Variants in CFAP57 observed in about 807,000 individuals in gnomAD.
The protein encoded by CFAP57 is cilia- and flagella-associated protein 57.
CFAP57 carries 116 observed loss-of-function variants against 146.8 expected under a neutral mutation model. The observed-to-expected ratio is 0.79, with a 90% CI of 0.68 to 0.92. The LOEUF (loss-of-function observed/expected upper bound fraction) is 0.92. Among genes scored for constraint, CFAP57 ranks in the 40% least tolerant of loss-of-function variants. The pLI is 0.00. For synonymous variants in CFAP57, 518 were observed against 552.8 expected (o/e 0.94, Z 0.88); for missense variants, 1,377 against 1,527.2 (o/e 0.90, Z 1.64).
chr1:43,208,899 C>CA (rs1644475698), intron 10 of CFAP57, among the ~76,000 whole-genome samples: 1 of 152,126 alleles, frequency 6.6e-6, no homozygotes, highest in African/African-American at 2.4e-5. Context: ...ACAGTAGTCC[C>CA]ACCTTACCCA....
At chr1:43,182,831 C>T (rs1177777906) in intron 3 of CFAP57, among the ~76,000 whole-genome samples, 3 of 152,234 alleles carry the variant, frequency 2.0e-5, no homozygotes, top group South Asian at 4.1e-4. Flanking sequence ...TCAAGTTGCT[C>T]ACTATATAGT....
rs1255284054 is a variant in CFAP57 at position 43,226,967 on chromosome 1, C to T, written c.2866-16C>T. The T allele has an allele frequency of 6.7e-7, 1 of 1,489,312 alleles. No individual in the cohort carries two copies. The highest frequency in any genetic ancestry group is 1.4e-5 in the African/African-American group (1 of 70,698). The allele number at this position is 1,489,312 out of a possible 1,614,324, so 92.3% of individuals were successfully genotyped here. A position where few individuals can be genotyped will look rare whatever the true frequency, so the allele number is the denominator to read the frequency against. ...GCCTTACAATATCTCTCACTTCTCT[C>T]TCATCTCACCCCCAGGAGAAGCGAA... On this transcript the variant is annotated splice_polypyrimidine_tract_variant and intron_variant, in intron 17 of 22. Transcript: ENST00000372492.
At chr1:43,207,501 G>C (rs924836397) in intron 10 of CFAP57, among the ~76,000 whole-genome samples, 1 of 152,174 alleles carries the variant, frequency 6.6e-6, no homozygotes, top group Non-Finnish European at 1.5e-5. Context: ...CATAGCCTAG[G>C]TGTATAGTAG....
intron 6 of CFAP57, among the ~76,000 whole-genome samples, chr1:43,190,862 A>G (rs1409742088): frequency 1.3e-5 from 2 of 152,156 alleles, no homozygotes; most frequent in Non-Finnish European, 2.9e-5. Context: ...TCATTTTCAT[A>G]TTAGTATATT....
Position 43,229,630 on chromosome 1 carries a change from A to T in CFAP57, c.3009+2504A>T, listed in dbSNP as rs144511012. On this transcript the variant is annotated intron_variant, in intron 18 of 22. Transcript: ENST00000372492. ...CTCTTTTTCCAACTTGGCTCTGATGATCCAAGGGTCCCTTTGCCCTGCCTA... is the reference window on the plus strand; with the variant it reads ...CTCTTTTTCCAACTTGGCTCTGATGTTCCAAGGGTCCCTTTGCCCTGCCTA... Among the ~76,000 whole-genome samples, 697 of 148,684 alleles carry T rather than the reference A, an allele frequency of 4.7e-3. 83 individuals are homozygous for T. The highest frequency in any genetic ancestry group is 0.017 in the African/African-American group (662 of 39,804).
chr1:43,179,348 A>G (rs1645297762), intron 2 of CFAP57, among the ~76,000 whole-genome samples: 2 of 152,240 alleles, frequency 1.3e-5, no homozygotes, highest in Non-Finnish European at 1.5e-5. Flanking sequence ...GCGAGGCATC[A>G]GCTGGGTCGA....
rs764281502 is a variant in CFAP57, at chr1:43,185,239, G to C, written c.852G>C (p.Gln284His). The C allele has an allele frequency of 5.6e-6, 9 of 1,614,166 alleles. No homozygotes were observed. The highest frequency in any genetic ancestry group is 1.6e-4 in the Middle Eastern group (1 of 6,062). The change falls in exon 5 of 23, where the codon CAG (glutamine) becomes CAC (histidine). Residue 284 changes from glutamine to histidine, a missense_variant. Gln to His is a conservative substitution (Grantham distance 24, BLOSUM62 0). Coordinates refer to ENST00000372492, the MANE Select transcript of CFAP57 (RefSeq NM_001378189.1). ...GCCATAGCCAGATGTCCATGCCCCA[G>C]GTGTTTGCCATTGCAGCCTATTCAA... is the stretch of plus-strand genomic sequence containing the variant. ...ASSHSQMSMP[Q>H]VFAIAAYSKG...
chr1:43,190,361 A>G (rs4498843), intron 6 of CFAP57, among the ~76,000 whole-genome samples: 2 of 144,598 alleles, frequency 1.4e-5, no homozygotes, highest in Non-Finnish European at 3.0e-5. Flanking sequence ...AGCTCCACCT[A>G]CCGGGTTCAT....
Position 43,229,034 on chromosome 1 carries a change from G to A in CFAP57, c.3009+1908G>A, listed in dbSNP as rs570156253. Among the ~76,000 whole-genome samples the A allele has an allele frequency of 2.4e-4, 35 of 148,562 alleles. 3 individuals are homozygous for A. Among genetic ancestry groups the A allele is most frequent in the African/African-American group, 8.9e-4 (35 of 39,516 alleles). Reference sequence around the variant, plus strand: ...CTAATCCCATCACTTTGGGGGTTAGGTTTCACCATTGGAATTTGGGGTGGA... The same window carrying A: ...CTAATCCCATCACTTTGGGGGTTAGATTTCACCATTGGAATTTGGGGTGGA... On this transcript the variant is annotated intron_variant, in intron 18 of 22. Coordinates refer to ENST00000372492, the MANE Select transcript of CFAP57 (RefSeq NM_001378189.1).
intron 11 of CFAP57, among the ~76,000 whole-genome samples, chr1:43,214,239 A>G (rs553706925): frequency 1.5e-4 from 23 of 151,964 alleles, no homozygotes; most frequent in Non-Finnish European, 2.5e-4. Context: ...TTAATGTTGA[A>G]TTGTTTGAGT....
chr1:43,173,496 A>G (rs1307502256), intron 2 of CFAP57, among the ~76,000 whole-genome samples: 1 of 152,232 alleles, frequency 6.6e-6, no homozygotes, highest in Non-Finnish European at 1.5e-5. Context: ...TTAAAGAATT[A>G]CAATAGAATG....
intron 12 of CFAP57, among the ~76,000 whole-genome samples, 171 bp from the exon 13 acceptor site, chr1:43,219,211 T>C (rs1644952525): frequency 6.6e-6 from 1 of 152,180 alleles, no homozygotes; most frequent in Non-Finnish European, 1.5e-5. Flanking sequence ...CTCATATGTC[T>C]CCTCATTTTT....
chr1:43,222,431 C>G (rs1437444108), intron 15 of CFAP57, 136 bp downstream of exon 15: 2 of 746,224 alleles, frequency 2.7e-6, no homozygotes, highest in South Asian at 9.4e-5. Flanking sequence ...CCCCAAGGAA[C>G]TTATATCAAA....
At chr1:43,222,797 A>G (rs1165093054) in intron 15 of CFAP57, 27 bp from the exon 16 acceptor site, 1 of 1,513,584 alleles carries the variant, frequency 6.6e-7, no homozygotes, top group Middle Eastern at 1.7e-4. Flanking sequence ...TTCTCCCCTG[A>G]CCACACGCCC....
chr1:43,198,057 T>C (rs2124421381), intron 7 of CFAP57, among the ~76,000 whole-genome samples: 1 of 152,188 alleles, frequency 6.6e-6, no homozygotes, highest in Non-Finnish European at 1.5e-5. Context: ...CTTCCTCATC[T>C]TTCTCCCAGG....
At position 43,197,581 on chromosome 1, in the gene CFAP57, T is replaced by C; in HGVS notation, c.1151T>C (p.Met384Thr). 2 of 1,614,098 alleles carry C rather than the reference T, an allele frequency of 1.2e-6. No homozygotes were observed. The highest frequency in any genetic ancestry group is 1.7e-6 in the Non-Finnish European group (2 of 1,180,006). The change falls in exon 7 of 23, where the codon ATG (methionine) becomes ACG (threonine). Residue 384 changes from methionine (M) to threonine (T), a missense_variant. Physicochemically the swap from Met to Thr is moderately conservative, Grantham distance 81. Coordinates refer to ENST00000372492, the MANE Select transcript of CFAP57 (RefSeq NM_001378189.1). ...GAGCCTGCTCACTTTGAGTATTTGA[T>C]GTATCCATTGCACTCAGCACCCATC... ...KGEPAHFEYL[M>T]YPLHSAPITG...
Position 43,236,554 on chromosome 1 carries a change from A to G in CFAP57, c.3405+1916A>G, listed in dbSNP as rs7550285. Among the ~76,000 whole-genome samples, 709 of 138,660 alleles carry G rather than the reference A, an allele frequency of 5.1e-3. 10 individuals are homozygous for G. The highest frequency in any genetic ancestry group is 0.018 in the African/African-American group (680 of 37,726). 91.0% of individuals were successfully genotyped at this position (138,660 alleles called of 152,430 possible). On this transcript the variant is annotated intron_variant, in intron 21 of 22. Transcript: ENST00000372492. ...GCAAGATTGAATGGGACAACCACAT[A>G]AGGCACTAGGCACTGGCCTGGTACA... is the stretch of plus-strand genomic sequence containing the variant.
chr1:43,210,830 A>T (rs1339540278), intron 11 of CFAP57: 1 of 152,196 alleles, frequency 6.6e-6, no homozygotes, highest in African/African-American at 2.4e-5. Context: ...TTTACAGAAT[A>T]TGTATTTTAC....
intron 22 of CFAP57, among the ~76,000 whole-genome samples, chr1:43,249,597 CTTTT>C (rs35050145): frequency 5.7e-5 from 3 of 52,650 alleles, no homozygotes; most frequent in African/African-American, 1.5e-4. Flanking sequence ...ACCCAGCTAA[CTTTT>C]TTTTTTTTTT....
Sources: gnomAD v4.1 joint callset for allele counts (sites outside exome capture counted in the v4.1 genomes callset) on GRCh38, gnomAD v4.1.1 for gene constraint, MANE v1.5 for transcripts, NCBI Gene and HGNC (gene_info 2026-07-23, HGNC 2026-07-21) for gene names.